Variants in MED13L observed in about 807,000 individuals in gnomAD.
The protein encoded by MED13L is mediator complex subunit 13L, also known as mediator of RNA polymerase II transcription subunit 13-like.
Under a neutral mutation model 220.9 loss-of-function variants are expected in MED13L, and 7 were observed. That is an observed-to-expected ratio of 0.03 (90% CI 0.02 to 0.06). MED13L has a LOEUF of 0.06. Among genes scored for constraint, MED13L ranks in the 10% least tolerant of loss-of-function variants. The probability of loss-of-function intolerance (pLI) is 1.00; values close to 1 mark genes in which losing one functional copy is unlikely to be tolerated. For missense variants in MED13L, 1,965 were observed against 2,760.5 expected, an observed-to-expected ratio of 0.71 and a Z score of 6.46; for synonymous variants, 1,011 against 1,015.2, an observed-to-expected ratio of 1.00 and a Z score of 0.08.
intron 3 of MED13L, among the ~76,000 whole-genome samples, chr12:116,102,703 CTTTTTTCTTTTTTT>C (rs1383977827): frequency 3.2e-5 from 2 of 63,202 alleles, no homozygotes; most frequent in Non-Finnish European, 6.7e-5. Context: ...TTTTCTTTTT[CTTTTTTCTTTTTTT>C]TTTTTTTTTT....
intron 4 of MED13L, among the ~76,000 whole-genome samples, chr12:116,075,725 T>C (rs994572266): frequency 6.6e-6 from 1 of 152,168 alleles, no homozygotes; most frequent in Admixed American, 6.5e-5. Flanking sequence ...ACTTCCTTTC[T>C]GCTGGCTCCT....
intron 3 of MED13L, among the ~76,000 whole-genome samples, chr12:116,102,410 C>T (rs1246853935): frequency 3.3e-5 from 5 of 152,212 alleles, no homozygotes; most frequent in Middle Eastern, 3.4e-3. Flanking sequence ...TTAAGTATGA[C>T]GGTTTTCATA....
At chr12:116,200,056 G>A (rs73200226) in intron 2 of MED13L, among the ~76,000 whole-genome samples, 21,954 of 145,962 alleles carry the variant, frequency 0.15, 1,862 homozygotes, top group Middle Eastern at 0.22. Context: ...CACTCTGGAT[G>A]GCCAAGGCAG....
intron 2 of MED13L, among the ~76,000 whole-genome samples, chr12:116,142,618 G>A (rs1877170900): frequency 6.6e-6 from 1 of 152,090 alleles, no homozygotes; most frequent in Admixed American, 6.5e-5. Context: ...AACCGGGGTG[G>A]CAGAGGTTGC....
In MED13L at chr12:115,980,852, C is replaced by T. The variant is rs887753983; in HGVS notation, c.5262G>A (p.Val1754=). The change falls in exon 23 of 31, where the codon GTG becomes GTA. Residue 1754 remains valine, a synonymous_variant. Coordinates refer to ENST00000281928, the MANE Select transcript of MED13L (RefSeq NM_015335.5). The part of the protein sequence containing the change: ...IQYLKSMAFS[V]YCQCRRPLPT... ...GCAGTGGTCGCCTGCACTGGCAGTA[C>T]ACTGAAAATGCCATGGACTTCAAGT... 1 of 1,601,220 alleles carries T rather than the reference C, an allele frequency of 6.2e-7. No individual in the cohort carries two copies. Among genetic ancestry groups the T allele is most frequent in the African/African-American group, 1.4e-5 (1 of 71,798 alleles).
intron 2 of MED13L, among the ~76,000 whole-genome samples, chr12:116,165,316 T>C (rs572558341): frequency 1.5e-5 from 2 of 131,720 alleles, no homozygotes; most frequent in Admixed American, 8.1e-5. Flanking sequence ...CTGACTAGAA[T>C]GCCTATGTCC....
At chr12:116,199,078 A>G (rs1881837601) in intron 2 of MED13L, among the ~76,000 whole-genome samples, 2 of 152,126 alleles carry the variant, frequency 1.3e-5, no homozygotes, top group African/African-American at 4.8e-5. Flanking sequence ...TTTAGAGAAA[A>G]AGTTACCATG....
chr12:116,183,380 G>T (rs4145166), intron 2 of MED13L, among the ~76,000 whole-genome samples: 80,506 of 151,998 alleles, frequency 0.53, 21,571 homozygotes, highest in South Asian at 0.72. Context: ...AGCTACACTT[G>T]AAAAGGCAAA....
intron 13 of MED13L, among the ~76,000 whole-genome samples, chr12:116,003,441 T>C (rs1441463484): frequency 6.6e-6 from 1 of 152,116 alleles, no homozygotes; most frequent in South Asian, 2.1e-4. Context: ...ATTGGTCTGG[T>C]TTCCCTTATA....
chr12:116,046,944 G>C (rs139823280), intron 4 of MED13L, among the ~76,000 whole-genome samples: 1 of 152,188 alleles, frequency 6.6e-6, no homozygotes, highest in African/African-American at 2.4e-5. Flanking sequence ...ATGCACTCCA[G>C]CCTGGGCGAC....
chr12:116,003,258 G>A (rs866629740), intron 13 of MED13L, among the ~76,000 whole-genome samples, 156 bp from the exon 14 acceptor site: 63 of 152,210 alleles, frequency 4.1e-4, no homozygotes, highest in African/African-American at 1.4e-3. Context: ...AAACAAAGGA[G>A]ATGGTTACAA....
intron 1 of MED13L, among the ~76,000 whole-genome samples, chr12:116,256,756 G>A (rs1390354286): frequency 2.3e-5 from 3 of 131,504 alleles, no homozygotes; most frequent in African/African-American, 8.8e-5. Context: ...ATTGATCTCA[G>A]CTCACTGCAA....
chr12:116,159,938 T>C (rs1460208435), intron 2 of MED13L, among the ~76,000 whole-genome samples: 1 of 150,696 alleles, frequency 6.6e-6, no homozygotes, highest in Non-Finnish European at 1.5e-5. Flanking sequence ...ATGATTACTG[T>C]ACATTTCATT....
At position 116,008,771 on chromosome 12, in the gene MED13L, G is replaced by A; in HGVS notation, c.1642C>T (p.Pro548Ser). 6.2e-7 allele frequency: 1 copy of A among 1,614,016 alleles called. No individual in the cohort carries two copies. The highest frequency in any genetic ancestry group is 8.5e-7 in the Non-Finnish European group (1 of 1,180,006). Reference protein sequence around the residue: ...KQMNLNPMDSPHSPISPLPPT... With the variant: ...KQMNLNPMDSSHSPISPLPPT... ...GGCAGAGGGGATATAGGGGAATGAG[G>A]TGAATCCATAGGATTCAGATTCATT... Residue 548 changes from proline (P) to serine (S), a missense_variant, in exon 10 of 31, where the codon CCT becomes TCT. Coordinates refer to ENST00000281928, the MANE Select transcript of MED13L (RefSeq NM_015335.5).
chr12:115,961,567 A>G, intron 30 of MED13L, 169 bp from the exon 31 acceptor site: 2 of 939,436 alleles, frequency 2.1e-6, no homozygotes, highest in Middle Eastern at 3.2e-4. Flanking sequence ...TTCCTTCTAG[A>G]TATGGACTAT....
intron 4 of MED13L, among the ~76,000 whole-genome samples, chr12:116,032,151 T>C (rs933498713): frequency 2.0e-5 from 3 of 152,220 alleles, no homozygotes; most frequent in African/African-American, 7.2e-5. Flanking sequence ...TTAAAAGATG[T>C]ATCATATATT....
At chr12:116,153,703 T>A (rs2138102570) in intron 2 of MED13L, among the ~76,000 whole-genome samples, 1 of 152,322 alleles carries the variant, frequency 6.6e-6, no homozygotes, top group Admixed American at 6.5e-5. Flanking sequence ...CACTTGCTTC[T>A]ATTTTAACCC....
At chr12:116,022,639 T>C (rs1482743874) in intron 4 of MED13L, 38 bp from the exon 5 acceptor site, 3 of 1,595,848 alleles carry the variant, frequency 1.9e-6, no homozygotes, top group African/African-American at 1.3e-5. Context: ...CTTTATATTT[T>C]GGTAGGAAAG....
intron 22 of MED13L, among the ~76,000 whole-genome samples, chr12:115,981,724 T>C (rs970359771): frequency 2.6e-5 from 4 of 152,204 alleles, no homozygotes; most frequent in African/African-American, 4.8e-5. Flanking sequence ...CTATGGAAAA[T>C]ATGCAGTCAT....
Sources: allele counts gnomAD v4.1 joint callset (sites outside exome capture counted in the v4.1 genomes callset), GRCh38; gene constraint gnomAD v4.1.1; transcripts MANE v1.5; gene names NCBI Gene and HGNC (gene_info 2026-07-23, HGNC 2026-07-21).